APBB1IP: variants seen among roughly 807,000 people sequenced by gnomAD.
APBB1IP encodes amyloid beta precursor protein binding family B member 1 interacting protein, also known as amyloid beta A4 precursor protein-binding family B member 1-interacting protein.
Under a neutral mutation model 64.9 loss-of-function variants are expected in APBB1IP, and 27 were observed. The observed-to-expected ratio is 0.42, with a 90% confidence interval of 0.31 to 0.57. The LOEUF (loss-of-function observed/expected upper bound fraction) is 0.57, where lower values mean the gene tolerates loss of function less well. Among genes scored for constraint, APBB1IP ranks in the 20% least tolerant of loss-of-function variants. The pLI is 0.20. For missense variants in APBB1IP, 812 were observed against 845.5 expected (o/e 0.96, Z 0.49); for synonymous variants, 392 against 331.0 (o/e 1.18, Z -2.00).
In APBB1IP at chr10:26,544,451, G is replaced by A. The variant is rs1014964542; in HGVS notation, c.1155+2759G>A. 2.0e-5 allele frequency among the ~76,000 whole-genome samples: 3 copies of A among 152,158 alleles called. No individual in the cohort carries two copies. In the East Asian group the frequency reaches 5.8e-4, roughly 29 times the overall value. ...GGTTAGGGTTTAAGGATGGAGCCTAGGAATCTTCATTTTTCCTAAGCATGG... is the reference window on the plus strand; with the variant it reads ...GGTTAGGGTTTAAGGATGGAGCCTAAGAATCTTCATTTTTCCTAAGCATGG... On this transcript the variant is annotated intron_variant, in intron 11 of 14. Transcript: ENST00000376236.
At chr10:26,521,814 G>A (rs1836404935) in intron 8 of APBB1IP, among the ~76,000 whole-genome samples, 1 of 152,148 alleles carries the variant, frequency 6.6e-6, no homozygotes, top group African/African-American at 2.4e-5. Context: ...GTAGTGGCAT[G>A]ATTACGACTC....
chr10:26,560,160 C>G lies in APBB1IP; in HGVS notation c.1211C>G (p.Thr404Arg), dbSNP rs775177132. ...QYIKYLCCDD[T>R]RTLNQWVMGI... ...ATCAAGTATCTCTGCTGTGATGACA[C>G]AAGAACCCTTAACCAGTGGGTCATG... Residue 404 changes from threonine (T) to arginine (R), a missense_variant, in exon 12 of 15, where the codon ACA becomes AGA. Coordinates refer to ENST00000376236, the MANE Select transcript of APBB1IP (RefSeq NM_019043.4). 1 of 1,614,144 alleles carries G rather than the reference C, an allele frequency of 6.2e-7. No homozygotes were observed. Among genetic ancestry groups the G allele is most frequent in the East Asian group, 2.2e-5 (1 of 44,888 alleles).
chr10:26,468,993 G>A (rs372936074), intron 2 of APBB1IP, among the ~76,000 whole-genome samples: 1 of 152,088 alleles, frequency 6.6e-6, no homozygotes, highest in Non-Finnish European at 1.5e-5. Flanking sequence ...CAACTGCTGC[G>A]GGCTGAGATG....
chr10:26,515,425 G>A (rs115411012), intron 8 of APBB1IP, among the ~76,000 whole-genome samples: 2,621 of 152,230 alleles, frequency 0.017, 71 homozygotes, highest in African/African-American at 0.06. Flanking sequence ...GGGAAGAGCC[G>A]GGGAAATGCA....
Position 26,560,162 on chromosome 10 carries a change from A to G in APBB1IP, c.1213A>G (p.Arg405Gly). ...CAAGTATCTCTGCTGTGATGACACA[A>G]GAACCCTTAACCAGTGGGTCATGGG... Reference protein sequence around the residue: ...YIKYLCCDDTRTLNQWVMGIR... With the variant: ...YIKYLCCDDTGTLNQWVMGIR... The change falls in exon 12 of 15, where the codon AGA becomes GGA. Residue 405 changes from arginine to glycine, a missense_variant. Arg to Gly is a moderately radical substitution (Grantham distance 125, BLOSUM62 -2). Around this residue, in one of 3 missense-constraint regions of APBB1IP, gnomAD observed 37 missense variants for 80.4 expected, o/e 0.46. Coordinates refer to ENST00000376236, the MANE Select transcript of APBB1IP (RefSeq NM_019043.4). 2 of 1,614,180 alleles carry G rather than the reference A, an allele frequency of 1.2e-6. No individual in the cohort carries two copies. Among genetic ancestry groups the G allele is most frequent in the African/African-American group, 1.3e-5 (1 of 75,048 alleles).
intron 2 of APBB1IP, among the ~76,000 whole-genome samples, chr10:26,459,538 G>C (rs1589192623): frequency 1.3e-5 from 2 of 152,294 alleles, no homozygotes; most frequent in African/African-American, 4.8e-5. Context: ...GATTGAACTA[G>C]TTTACAGTCC....
chr10:26,509,974 T>G (rs1245186758), intron 6 of APBB1IP, among the ~76,000 whole-genome samples: 3 of 152,174 alleles, frequency 2.0e-5, no homozygotes, highest in Non-Finnish European at 4.4e-5. Flanking sequence ...GTTGTTGTTT[T>G]CTTTTCTTTT....
chr10:26,488,801 G>A (rs545791137), intron 2 of APBB1IP, among the ~76,000 whole-genome samples: 1 of 152,200 alleles, frequency 6.6e-6, no homozygotes, highest in Non-Finnish European at 1.5e-5. Context: ...CATAGACCTA[G>A]ACCTTCGGTG....
intron 14 of APBB1IP, among the ~76,000 whole-genome samples, chr10:26,565,653 G>A (rs1328970893): frequency 1.3e-5 from 2 of 152,328 alleles, no homozygotes; most frequent in East Asian, 3.9e-4. Flanking sequence ...CCACTTAAAA[G>A]CCAGACTCAA....
intron 8 of APBB1IP, among the ~76,000 whole-genome samples, chr10:26,521,672 G>T (rs1233212887): frequency 1.3e-5 from 2 of 152,276 alleles, no homozygotes; most frequent in Middle Eastern, 6.8e-3. Flanking sequence ...CCTAGAAGAA[G>T]TTTGAAAAAC....
intron 2 of APBB1IP, among the ~76,000 whole-genome samples, chr10:26,447,374 C>CA (rs55948326): frequency 0.021 from 1,155 of 54,272 alleles, 58 homozygotes; most frequent in African/African-American, 0.058. Flanking sequence ...GACTCCGTCT[C>CA]AAAAAAAAAA....
chr10:26,518,082 A>C (rs114319573), intron 8 of APBB1IP, among the ~76,000 whole-genome samples: 2,774 of 151,762 alleles, frequency 0.018, 75 homozygotes, highest in African/African-American at 0.063. Context: ...AGCCTCCTGC[A>C]CAGCTGGGAT....
intron 8 of APBB1IP, among the ~76,000 whole-genome samples, chr10:26,515,257 G>C (rs1159327121): frequency 6.6e-6 from 1 of 152,078 alleles, no homozygotes; most frequent in Non-Finnish European, 1.5e-5. Flanking sequence ...TAAATCAGTG[G>C]TTCAAACAAG....
intron 6 of APBB1IP, among the ~76,000 whole-genome samples, chr10:26,508,912 C>G (rs1345659523): frequency 2.6e-5 from 4 of 152,128 alleles, no homozygotes; most frequent in African/African-American, 4.8e-5. Context: ...TAAAAAACAG[C>G]AACATATGTT....
At chr10:26,550,199 T>C (rs1250666922) in intron 11 of APBB1IP, among the ~76,000 whole-genome samples, 1 of 152,170 alleles carries the variant, frequency 6.6e-6, no homozygotes, top group Non-Finnish European at 1.5e-5. Context: ...TCTTTGACCT[T>C]TGAGAATTTG....
intron 11 of APBB1IP, among the ~76,000 whole-genome samples, chr10:26,555,602 T>G (rs1836885197): frequency 1.3e-5 from 2 of 152,136 alleles, no homozygotes; most frequent in Non-Finnish European, 2.9e-5. Context: ...CTTTTTGTTG[T>G]TTTTTTGTTT....
chr10:26,531,387 G>A lies in APBB1IP; in HGVS notation c.814-2052G>A, dbSNP rs192912385. ...CTTATTTCCTCTATTTAAGTTAGCA[G>A]CCAGGCGCGGTGGCTCATGCCTGTA... On this transcript the variant is annotated intron_variant, in intron 8 of 14. Coordinates refer to ENST00000376236, the MANE Select transcript of APBB1IP (RefSeq NM_019043.4). 1.7e-3 allele frequency among the ~76,000 whole-genome samples: 254 copies of A among 152,042 alleles called. 1 individual carries two copies. Among genetic ancestry groups the A allele is most frequent in the African/African-American group, 5.7e-3 (238 of 41,454 alleles).
intron 2 of APBB1IP, among the ~76,000 whole-genome samples, chr10:26,452,913 A>T (rs1175769018): frequency 7.9e-6 from 1 of 125,854 alleles, no homozygotes; most frequent in Non-Finnish European, 1.7e-5. Context: ...CAGTATTTGA[A>T]TTTCTGTTTC....
chr10:26,545,569 G>T (rs1836750438), intron 11 of APBB1IP, among the ~76,000 whole-genome samples: 1 of 152,134 alleles, frequency 6.6e-6, no homozygotes, highest in South Asian at 2.1e-4. Flanking sequence ...GACCATCCTG[G>T]CTAACACGGT....
Sources: gnomAD v4.1 joint callset for allele counts (sites outside exome capture counted in the v4.1 genomes callset) on GRCh38, gnomAD v4.1.1 for gene constraint, gnomAD v4.1.1 regional missense constraint, MANE v1.5 for transcripts, NCBI Gene and HGNC (gene_info 2026-07-23, HGNC 2026-07-21) for gene names.